The following NOTCH2NLR variants were observed in gnomAD, a reference collection of about 807,000 sequenced individuals.
NOTCH2NLR encodes notch 2 N-terminal like R (pseudogene).
A neutral mutation model predicts 35.6 loss-of-function variants in NOTCH2NLR; 33 were observed. That is an observed-to-expected ratio of 0.93 (90% confidence interval 0.70 to 1.24). The LOEUF (loss-of-function observed/expected upper bound fraction) is 1.24, where lower values mean the gene tolerates loss of function less well. Among genes scored for constraint, NOTCH2NLR ranks in the 50% most tolerant of loss-of-function variants. The pLI is 0.00. For missense variants in NOTCH2NLR, 276 were observed against 362.2 expected, an observed-to-expected ratio of 0.76 and a Z score of 1.93; for synonymous variants, 103 against 141.0, an observed-to-expected ratio of 0.73 and a Z score of 1.91.
At chr1:120,790,775 T>C (rs1196848429) in intron 3 of NOTCH2NLR, among the ~76,000 whole-genome samples, 1 of 106,860 alleles carries the variant, frequency 9.4e-6, no homozygotes, top group East Asian at 2.3e-4. Context: ...AATTTTTGTA[T>C]TTTTAGAAAA....
intron 1 of NOTCH2NLR, among the ~76,000 whole-genome samples, chr1:120,725,224 AC>A (rs1650804069): frequency 2.9e-5 from 3 of 102,314 alleles, no homozygotes; most frequent in Non-Finnish European, 5.3e-5. Flanking sequence ...ATTTCTTCAG[AC>A]CCTTTAGTGG....
At chr1:120,768,223 C>T (rs1386710403) in intron 2 of NOTCH2NLR, among the ~76,000 whole-genome samples, 1 of 114,342 alleles carries the variant, frequency 8.7e-6, no homozygotes, top group Non-Finnish European at 1.7e-5. Flanking sequence ...AAGATGGGAC[C>T]CTTCTAGGGG....
chr1:120,793,446 G>A lies in NOTCH2NLR; in HGVS notation c.701G>A (p.Gly234Asp). Reference sequence around the variant, plus strand: ...GCACACTCGCCTTGTGTCAATGGAGGCACCTGTCGGCAGACTGGTGACTTC... The same window carrying A: ...GCACACTCGCCTTGTGTCAATGGAGACACCTGTCGGCAGACTGGTGACTTC... The change falls in exon 4 of 5, where the codon GGC becomes GAC. Residue 234 changes from glycine to aspartate, a missense_variant. Gly to Asp is a moderately conservative substitution (Grantham distance 94). Coordinates refer to ENST00000624419, the Ensembl canonical transcript of NOTCH2NLR. The A allele has an allele frequency of 1.0e-5, 15 of 1,438,830 alleles. 4 individuals are homozygous for A. The highest frequency in any genetic ancestry group is 1.4e-5 in the Non-Finnish European group (15 of 1,076,718). 89.1% of individuals were successfully genotyped at this position (1,438,830 alleles called of 1,614,324 possible).
In NOTCH2NLR at chr1:120,779,498, T is replaced by G. The variant is rs1308406496; in HGVS notation, c.156-5476T>G. ...AGAAGAGAGAGTAAGTAAAAGTCACTGAGAGACATTGAAGAGACAGTTATG... is the reference window on the plus strand; with the variant it reads ...AGAAGAGAGAGTAAGTAAAAGTCACGGAGAGACATTGAAGAGACAGTTATG... On this transcript the variant is annotated intron_variant, in intron 2 of 4. Transcript: ENST00000624419. Among the ~76,000 whole-genome samples, 4 of 118,770 alleles carry G rather than the reference T, an allele frequency of 3.4e-5. 2 individuals are homozygous for G. Among genetic ancestry groups the G allele is most frequent in the Non-Finnish European group, 6.8e-5 (4 of 58,690 alleles). The allele number at this position is 118,770 out of a possible 152,430, so 77.9% of individuals were successfully genotyped here. A position where few individuals can be genotyped will look rare whatever the true frequency, so the allele number is the denominator to read the frequency against.
chr1:120,734,522 A>G (rs1353187689), intron 1 of NOTCH2NLR, among the ~76,000 whole-genome samples: 1 of 43,542 alleles, frequency 2.3e-5, no homozygotes, highest in Admixed American at 2.3e-4. Flanking sequence ...TGAATAGGAA[A>G]AGAGATTTGA....
rs1384302880 is a variant in NOTCH2NLR, at chr1:120,743,747, G to A, written c.73+19497G>A. On this transcript the variant is annotated intron_variant, in intron 1 of 4. Transcript: ENST00000624419. ...CTAATGTAGAGTTTGAAAAAACACC[G>A]TAAGCCTGCATTCCAGAAGTTCTGG... 1.1e-4 allele frequency among the ~76,000 whole-genome samples: 13 copies of A among 120,184 alleles called. No homozygotes were observed. The South Asian group carries it at 2.0e-3, about 18-fold the overall frequency. 78.8% of individuals were successfully genotyped at this position (120,184 alleles called of 152,430 possible). A position where few individuals can be genotyped will look rare whatever the true frequency, so the allele number is the denominator to read the frequency against.
chr1:120,785,103 G>T, exon 3 of NOTCH2NLR: 1 of 1,446,240 alleles, frequency 6.9e-7, no homozygotes, highest in Non-Finnish European at 9.2e-7. Context: ...GTGCCTCAGG[G>T]TTTACAGGAG....
chr1:120,765,582 A>G (rs1194263296), intron 2 of NOTCH2NLR, among the ~76,000 whole-genome samples: 6 of 72,934 alleles, frequency 8.2e-5, no homozygotes, highest in Non-Finnish European at 2.6e-5. Context: ...CGATTCCTCA[A>G]GGATCTAGAA....
chr1:120,768,672 A>G lies in NOTCH2NLR; in HGVS notation c.155+4963A>G, dbSNP rs1651222630. Among the ~76,000 whole-genome samples the G allele has an allele frequency of 3.0e-5, 3 of 101,028 alleles. 1 individual carries two copies. The highest frequency in any genetic ancestry group is 5.4e-5 in the Non-Finnish European group (3 of 55,812). The allele number at this position is 101,028 out of a possible 152,430, so 66.3% of individuals were successfully genotyped here. On this transcript the variant is annotated intron_variant, in intron 2 of 4. Coordinates refer to ENST00000624419, the Ensembl canonical transcript of NOTCH2NLR. ...GTTTGCTTCGCTTTTTCTGAGGCTTATATCCCTTCTAGTTTATGCCTGCTT... is the reference window on the plus strand; with the variant it reads ...GTTTGCTTCGCTTTTTCTGAGGCTTGTATCCCTTCTAGTTTATGCCTGCTT...
intron 4 of NOTCH2NLR, 125 bp from the exon 5 acceptor site, chr1:120,793,622 G>C: frequency 1.4e-6 from 1 of 697,524 alleles, no homozygotes; most frequent in Non-Finnish European, 2.4e-6. Flanking sequence ...TGTGTGGGGT[G>C]GGTTGCTAGT....
downstream of NOTCH2NLR, among the ~76,000 whole-genome samples, chr1:120,794,388 T>G (rs1651533858): frequency 8.8e-6 from 1 of 113,270 alleles, no homozygotes; most frequent in Non-Finnish European, 1.7e-5. Flanking sequence ...GCAGATGAAT[T>G]ACTAAGCAAC....
chr1:120,730,915 C>A (rs1268122862), intron 1 of NOTCH2NLR, among the ~76,000 whole-genome samples: 1 of 25,372 alleles, frequency 3.9e-5, no homozygotes, highest in Non-Finnish European at 6.6e-5. Flanking sequence ...AGGGTATTCT[C>A]CTCTTCTAGA....
chr1:120,791,032 G>A (rs1651488452), intron 3 of NOTCH2NLR, among the ~76,000 whole-genome samples: 3 of 69,368 alleles, frequency 4.3e-5, no homozygotes, highest in South Asian at 7.5e-4. Context: ...AAGAATTGCA[G>A]TTCCTTCATT....
intron 1 of NOTCH2NLR, 49 bp downstream of exon 1, chr1:120,724,299 C>T: frequency 7.3e-7 from 1 of 1,367,128 alleles, no homozygotes; most frequent in Non-Finnish European, 9.5e-7. Context: ...GGGCTGCCAC[C>T]TGGGGCGACC....
rs1477969722 is a variant in NOTCH2NLR, at chr1:120,733,142, A to G, written c.73+8892A>G. 2.9e-5 allele frequency among the ~76,000 whole-genome samples: 3 copies of G among 104,624 alleles called. 1 individual carries two copies. The highest frequency in any genetic ancestry group is 2.8e-4 in the Admixed American group (3 of 10,566). 68.6% of individuals were successfully genotyped at this position (104,624 alleles called of 152,430 possible). A position where few individuals can be genotyped will look rare whatever the true frequency, so the allele number is the denominator to read the frequency against. ...ATATATATATATATATGTTTAGTTT[A>G]TGAACAGATCTACATATATATATAT... On this transcript the variant is annotated intron_variant, in intron 1 of 4. Coordinates refer to ENST00000624419, the Ensembl canonical transcript of NOTCH2NLR.
At chr1:120,778,398 A>G (rs1230034347) in intron 2 of NOTCH2NLR, among the ~76,000 whole-genome samples, 1 of 109,904 alleles carries the variant, frequency 9.1e-6, no homozygotes, top group Non-Finnish European at 1.7e-5. Flanking sequence ...GAGGGAGTAA[A>G]GAGGAGCTTT....
chr1:120,792,754 C>T (rs1651506839), intron 3 of NOTCH2NLR, among the ~76,000 whole-genome samples: 1 of 103,026 alleles, frequency 9.7e-6, no homozygotes, highest in Non-Finnish European at 1.8e-5. Flanking sequence ...CCTGCCTCGG[C>T]CTCCCAAAGT....
At chr1:120,724,771 G>A (rs1454566422) in intron 1 of NOTCH2NLR, among the ~76,000 whole-genome samples, 2 of 113,336 alleles carry the variant, frequency 1.8e-5, no homozygotes, top group Non-Finnish European at 3.5e-5. Context: ...TTTGGATGGG[G>A]ACGGGGTTTT....
intron 2 of NOTCH2NLR, among the ~76,000 whole-genome samples, chr1:120,781,966 T>C (rs1651367689): frequency 1.9e-5 from 2 of 103,748 alleles, no homozygotes; most frequent in Non-Finnish European, 3.6e-5. Context: ...TATCAAATGC[T>C]TAGCAAATAT....
Sources: allele counts gnomAD v4.1 joint callset (sites outside exome capture counted in the v4.1 genomes callset), GRCh38; gene constraint gnomAD v4.1.1; transcripts MANE v1.5; gene names NCBI Gene and HGNC (gene_info 2026-07-23, HGNC 2026-07-21).